GLIS3: variants seen among roughly 807,000 people sequenced by gnomAD.
GLIS3 encodes GLIS family zinc finger 3.
GLIS3 carries 53 observed loss-of-function variants against 78.6 expected under a neutral mutation model. That is an observed-to-expected ratio of 0.67 (90% CI 0.54 to 0.85). The LOEUF is 0.85. Among genes scored for constraint, GLIS3 ranks in the 40% least tolerant of loss-of-function variants. GLIS3 has a pLI of 0.00. For missense variants in GLIS3, 1,703 were observed against 1,231.1 expected (o/e 1.38, Z -5.74); for synonymous variants, 684 against 509.9 (o/e 1.34, Z -4.60).
chr9:4,315,284 G>A (rs968271493), intron 2 of GLIS3, among the ~76,000 whole-genome samples: 3 of 152,152 alleles, frequency 2.0e-5, no homozygotes. Context: ...ATGATGTTGA[G>A]AGGACAAGTG....
chr9:3,856,147 G>T lies in GLIS3; in HGVS notation c.2335C>A (p.Pro779Thr). 1 of 1,614,120 alleles carries T rather than the reference G, an allele frequency of 6.2e-7. No individual in the cohort carries two copies. The change falls in exon 9 of 11, where the codon CCC becomes ACC. Residue 779 changes from proline to threonine, a missense_variant. Physicochemically the swap from Pro to Thr is conservative, Grantham distance 38 (BLOSUM62 -1). Transcript: ENST00000381971. Reference protein sequence around the residue: ...PSAPSPHHISPRRVPAPSSIL... With the variant: ...PSAPSPHHISTRRVPAPSSIL... ...GAAGAAGGAGCTGGAACTCTCCGGG[G>T]GCTGATGTGGTGAGGAGATGGAGCA...
At chr9:4,045,104 C>T (rs1316615580) in intron 4 of GLIS3, among the ~76,000 whole-genome samples, 1 of 152,132 alleles carries the variant, frequency 6.6e-6, no homozygotes, top group Non-Finnish European at 1.5e-5. Flanking sequence ...CAACCTAGCA[C>T]CTAGAGTTGC....
At chr9:4,091,794 C>G (rs887709099) in intron 4 of GLIS3, among the ~76,000 whole-genome samples, 1 of 152,134 alleles carries the variant, frequency 6.6e-6, no homozygotes, top group Non-Finnish European at 1.5e-5. Flanking sequence ...TTATAAATTA[C>G]CCAGTCTCGG....
chr9:4,420,537 G>A, the GLIS3 span, among the ~76,000 whole-genome samples: 3 of 152,168 alleles, frequency 2.0e-5, no homozygotes, highest in Admixed American at 2.0e-4. Context: ...GGTAAGGCAG[G>A]TGGGGAATAC....
intron 5 of GLIS3, among the ~76,000 whole-genome samples, chr9:3,934,601 G>A (rs975526109): frequency 3.9e-5 from 6 of 152,172 alleles, no homozygotes; most frequent in Non-Finnish European, 8.8e-5. Context: ...TAGAGATGGC[G>A]TTTCGCCATG....
chr9:4,458,380 C>T, the GLIS3 span, among the ~76,000 whole-genome samples: 1 of 152,084 alleles, frequency 6.6e-6, no homozygotes, highest in African/African-American at 2.4e-5. Flanking sequence ...AACAAATGTA[C>T]AAATAACATG....
chr9:4,355,320 C>T, the GLIS3 span, among the ~76,000 whole-genome samples: 1 of 152,042 alleles, frequency 6.6e-6, no homozygotes, highest in South Asian at 2.1e-4. Flanking sequence ...TTTGTGTAAA[C>T]TTACAGGGCT....
intron 2 of GLIS3, among the ~76,000 whole-genome samples, chr9:4,197,114 C>T (rs1461263508): frequency 6.6e-6 from 1 of 152,140 alleles, no homozygotes; most frequent in East Asian, 1.9e-4. Flanking sequence ...GAACATCTTA[C>T]CCTTCCTGTG....
At chr9:4,439,361 T>C in the GLIS3 span, among the ~76,000 whole-genome samples, 19 of 152,316 alleles carry the variant, frequency 1.2e-4, 1 homozygote, top group South Asian at 3.9e-3. Context: ...TTTAGAACGT[T>C]TTCCTCATCC....
chr9:4,278,403 G>C (rs1827220920), intron 2 of GLIS3, among the ~76,000 whole-genome samples: 1 of 152,178 alleles, frequency 6.6e-6, no homozygotes, highest in Non-Finnish European at 1.5e-5. Flanking sequence ...TGTTATGCCT[G>C]TAAGCAAGGA....
At chr9:4,113,843 G>T (rs534207919) in intron 4 of GLIS3, among the ~76,000 whole-genome samples, 1 of 152,086 alleles carries the variant, frequency 6.6e-6, no homozygotes, top group Non-Finnish European at 1.5e-5. Flanking sequence ...AAATACTCTG[G>T]ATTTTGCCAG....
chr9:4,301,434 G>C (rs1013678950), upstream of GLIS3, among the ~76,000 whole-genome samples: 2 of 152,212 alleles, frequency 1.3e-5, no homozygotes, highest in African/African-American at 4.8e-5. Flanking sequence ...AAGAAACCAA[G>C]TGGTGGAAAT....
chr9:4,264,782 G>A (rs1278035535), intron 2 of GLIS3, among the ~76,000 whole-genome samples: 3 of 152,066 alleles, frequency 2.0e-5, no homozygotes, highest in Non-Finnish European at 2.9e-5. Flanking sequence ...TTTACTCACT[G>A]ATTGCTACTT....
At chr9:4,049,906 TCACAC>T (rs1486342166) in intron 4 of GLIS3, among the ~76,000 whole-genome samples, 5 of 152,060 alleles carry the variant, frequency 3.3e-5, no homozygotes, top group Non-Finnish European at 7.4e-5. Flanking sequence ...AGATACCATC[TCACAC>T]CAGTTAGAAT....
At chr9:4,382,120 T>C in the GLIS3 span, among the ~76,000 whole-genome samples, 1 of 152,230 alleles carries the variant, frequency 6.6e-6, no homozygotes, top group Admixed American at 6.5e-5. Context: ...GCTTATCTGT[T>C]CCAATGCCCG....
At chr9:3,883,198 C>T (rs1821851173) in intron 7 of GLIS3, among the ~76,000 whole-genome samples, 1 of 152,222 alleles carries the variant, frequency 6.6e-6, no homozygotes, top group Non-Finnish European at 1.5e-5. Context: ...TTTTACTTAT[C>T]CTGATTTCTA....
At chr9:4,102,966 C>T (rs1055018220) in intron 4 of GLIS3, among the ~76,000 whole-genome samples, 3 of 151,806 alleles carry the variant, frequency 2.0e-5, no homozygotes, top group African/African-American at 7.3e-5. Context: ...AGGAAAAATA[C>T]ATGTAAAATG....
chr9:3,952,091 T>A (rs1442600423), intron 4 of GLIS3, among the ~76,000 whole-genome samples: 3 of 130,296 alleles, frequency 2.3e-5, no homozygotes, highest in African/African-American at 3.9e-5. Flanking sequence ...ACAAGGCAGA[T>A]CTGGAAAAAA....
At chr9:4,419,279 T>C in the GLIS3 span, among the ~76,000 whole-genome samples, 1 of 152,184 alleles carries the variant, frequency 6.6e-6, no homozygotes, top group South Asian at 2.1e-4. Context: ...AGCCACAGTG[T>C]ACCAGTTTGT....
Sources: allele counts gnomAD v4.1 joint callset (sites outside exome capture counted in the v4.1 genomes callset), GRCh38; gene constraint gnomAD v4.1.1; transcripts MANE v1.5; gene names NCBI Gene and HGNC (gene_info 2026-07-23, HGNC 2026-07-21).